The following LAMA3 variants were observed in gnomAD, a reference collection of about 807,000 sequenced individuals.
LAMA3 encodes laminin subunit alpha 3.
In LAMA3, 281 loss-of-function variants were observed where a neutral mutation model predicts 402.0. That is an observed-to-expected ratio of 0.70 (90% CI 0.63 to 0.77). The LOEUF (loss-of-function observed/expected upper bound fraction) is 0.77, where lower values mean the gene tolerates loss of function less well. Among genes scored for constraint, LAMA3 ranks in the 30% least tolerant of loss-of-function variants. The pLI, the probability that LAMA3 is intolerant of heterozygous loss-of-function variation, is 0.00. For missense variants in LAMA3, 3,840 were observed against 4,215.5 expected, an observed-to-expected ratio of 0.91 and a Z score of 2.47; for synonymous variants, 1,431 against 1,558.4, an observed-to-expected ratio of 0.92 and a Z score of 1.93.
At chr18:23,912,681 G>A in intron 55 of LAMA3, 30 bp from the exon 56 acceptor site, 2 of 1,602,670 alleles carry the variant, frequency 1.2e-6, no homozygotes, top group Admixed American at 3.3e-5. Flanking sequence ...ACAGGACAGT[G>A]TTTGACACCA....
chr18:23,818,120 A>G (rs2063213040), intron 18 of LAMA3, among the ~76,000 whole-genome samples: 1 of 152,078 alleles, frequency 6.6e-6, no homozygotes, highest in African/African-American at 2.4e-5. Context: ...GTGCCCCTGC[A>G]CTCCAGCCTG....
chr18:23,806,449 C>A (rs2062964208), intron 12 of LAMA3, among the ~76,000 whole-genome samples: 1 of 151,958 alleles, frequency 6.6e-6, no homozygotes, highest in Admixed American at 6.6e-5. Flanking sequence ...GGGGGTGGGT[C>A]CTGAAGAGAA....
intron 2 of LAMA3, among the ~76,000 whole-genome samples, chr18:23,719,145 ACCTCTAC>A (rs1356737297): frequency 6.6e-6 from 1 of 152,160 alleles, no homozygotes; most frequent in Non-Finnish European, 1.5e-5. Context: ...TAAATAAACT[ACCTCTAC>A]TCAAGTCTTT....
At chr18:23,815,262 T>A (rs1225055647) in intron 16 of LAMA3, 22 bp downstream of exon 16, 3 of 1,611,170 alleles carry the variant, frequency 1.9e-6, no homozygotes, top group Non-Finnish European at 2.5e-6. Context: ...TGAGTTTTCA[T>A]GTGACAACAG....
At chr18:23,830,554 G>A (rs372637623) in intron 23 of LAMA3, among the ~76,000 whole-genome samples, 6 of 152,240 alleles carry the variant, frequency 3.9e-5, no homozygotes, top group South Asian at 2.1e-4. Context: ...GGCAGCTTTC[G>A]ATGCCTGATG....
intron 20 of LAMA3, among the ~76,000 whole-genome samples, chr18:23,823,632 C>T (rs967021644): frequency 6.6e-6 from 1 of 152,154 alleles, no homozygotes. Context: ...ACTGCCTTGT[C>T]ACCAGAACTT....
rs987390442 is a variant in LAMA3 at position 23,690,137 on chromosome 18, G to T, written c.294+160G>T. 1.5e-3 allele frequency among the ~76,000 whole-genome samples: 221 copies of T among 152,354 alleles called. 3 individuals are homozygous for T. Among genetic ancestry groups the T allele is most frequent in the Non-Finnish European group, 1.3e-4 (9 of 68,034 alleles). ...CCGCGCGCGAGGGCCCACGACCCAG[G>T]AGCGATCTCGTGGAAGCACCGCACC... On this transcript the variant is annotated intron_variant, in intron 1 of 74. Coordinates refer to ENST00000313654, the MANE Select transcript of LAMA3 (RefSeq NM_198129.4).
At chr18:23,925,265 C>T (rs2081971747) in intron 62 of LAMA3, among the ~76,000 whole-genome samples, 1 of 152,192 alleles carries the variant, frequency 6.6e-6, no homozygotes, top group African/African-American at 2.4e-5. Context: ...TGTTTCTTCC[C>T]CCTCTCACTG....
chr18:23,877,234 A>G (rs1271647605), intron 39 of LAMA3, among the ~76,000 whole-genome samples: 1 of 152,166 alleles, frequency 6.6e-6, no homozygotes, highest in Non-Finnish European at 1.5e-5. Context: ...CATGGCCTCA[A>G]GGCTGTCTTG....
chr18:23,831,334 GCT>G (rs931683125), intron 23 of LAMA3, among the ~76,000 whole-genome samples: 2 of 151,994 alleles, frequency 1.3e-5, no homozygotes, highest in African/African-American at 2.4e-5. Context: ...ACTCCCTCTT[GCT>G]CTCTGTTTCT....
chr18:23,841,995 G>A (rs1221624816), intron 27 of LAMA3, among the ~76,000 whole-genome samples: 1 of 152,068 alleles, frequency 6.6e-6, no homozygotes, highest in African/African-American at 2.4e-5. Flanking sequence ...ATATAAGTAT[G>A]GCCTTCTTGC....
chr18:23,764,795 A>G (rs1467436262), intron 8 of LAMA3, among the ~76,000 whole-genome samples: 1 of 152,218 alleles, frequency 6.6e-6, no homozygotes. Context: ...TTTTAGCAGC[A>G]TAATTAACTT....
At chr18:23,953,660 A>G (rs894706268) in intron 74 of LAMA3, among the ~76,000 whole-genome samples, 3 of 152,146 alleles carry the variant, frequency 2.0e-5, no homozygotes, top group Non-Finnish European at 4.4e-5. Context: ...ATAATTTATA[A>G]TCCTTTCTTA....
At chr18:23,802,674 G>A (rs904335829) in intron 12 of LAMA3, among the ~76,000 whole-genome samples, 2 of 152,116 alleles carry the variant, frequency 1.3e-5, no homozygotes, top group African/African-American at 2.4e-5. Context: ...TCTTCCTCTG[G>A]AACTAAGACC....
chr18:23,795,955 C>T (rs1398793383), intron 12 of LAMA3: 1 of 312,886 alleles, frequency 3.2e-6, no homozygotes, highest in Non-Finnish European at 6.4e-6. Flanking sequence ...TCTGATAGGA[C>T]TCATGTCTTT....
chr18:23,833,716 T>C, intron 23 of LAMA3, 112 bp from the exon 24 acceptor site: 1 of 1,187,686 alleles, frequency 8.4e-7, no homozygotes, highest in South Asian at 1.2e-5. Flanking sequence ...GGATGACATA[T>C]AAAAATACTT....
In LAMA3 at chr18:23,905,581, A is replaced by G. The variant is rs774854762; in HGVS notation, c.6675A>G (p.Lys2225=). 6.2e-7 allele frequency: 1 copy of G among 1,611,998 alleles called. No individual in the cohort carries two copies. The highest frequency in any genetic ancestry group is 1.1e-5 in the South Asian group (1 of 91,018). ...KAKTLSSNSD[K]LLNEAKMTQK... ...AAACCCTGAGTTCCAACAGTGATAAACTGTTAAATGAAGCCAAGATGACAC... is the reference window on the plus strand; with the variant it reads ...AAACCCTGAGTTCCAACAGTGATAAGCTGTTAAATGAAGCCAAGATGACAC... Residue 2225 remains lysine (K), a synonymous_variant, in exon 52 of 75, where the codon AAA becomes AAG. Coordinates refer to ENST00000313654, the MANE Select transcript of LAMA3 (RefSeq NM_198129.4).
intron 2 of LAMA3, among the ~76,000 whole-genome samples, chr18:23,747,600 G>C (rs1056625874): frequency 6.6e-6 from 1 of 152,158 alleles, no homozygotes; most frequent in Non-Finnish European, 1.5e-5. Context: ...GGTTTAGCAC[G>C]TAATGACTAC....
chr18:23,875,490 G>A (rs996097730), intron 38 of LAMA3, among the ~76,000 whole-genome samples: 1 of 152,180 alleles, frequency 6.6e-6, no homozygotes, highest in Non-Finnish European at 1.5e-5. Context: ...CTGAGCCTCT[G>A]TGTGTTCGGG....
Sources: allele counts gnomAD v4.1 joint callset (sites outside exome capture counted in the v4.1 genomes callset), GRCh38; gene constraint gnomAD v4.1.1; transcripts MANE v1.5; gene names NCBI Gene and HGNC (gene_info 2026-07-23, HGNC 2026-07-21).